The following CSNK1G2 variants were observed in gnomAD, a reference collection of about 807,000 sequenced individuals.
The protein encoded by CSNK1G2 is casein kinase I isoform gamma-2.
In CSNK1G2, 11 loss-of-function variants were observed where a neutral mutation model predicts 48.0. That is an observed-to-expected ratio of 0.23 (90% CI 0.14 to 0.38). The LOEUF (loss-of-function observed/expected upper bound fraction) is 0.38. CSNK1G2 is among the 10% of genes least tolerant of loss of function. The pLI is 1.00. For synonymous variants in CSNK1G2, 337 were observed against 254.1 expected (o/e 1.33, Z -3.10); for missense variants, 446 against 595.5 (o/e 0.75, Z 2.61).
intron 7 of CSNK1G2, 26 bp downstream of exon 7, chr19:1,979,274 G>A (rs1461468635): frequency 6.4e-7 from 1 of 1,567,254 alleles, no homozygotes; most frequent in Admixed American, 1.9e-5. Flanking sequence ...GGGCAGGCGG[G>A]CGGGGACGCA....
intron 1 of CSNK1G2, among the ~76,000 whole-genome samples, chr19:1,966,283 G>A (rs1159130064): frequency 6.6e-6 from 1 of 152,192 alleles, no homozygotes; most frequent in Non-Finnish European, 1.5e-5. Context: ...CAGGATGAGC[G>A]GAAGTTTGGA....
At chr19:1,968,457 C>T (rs955139647) in intron 1 of CSNK1G2, among the ~76,000 whole-genome samples, 7 of 152,330 alleles carry the variant, frequency 4.6e-5, no homozygotes, top group Non-Finnish European at 7.4e-5. Flanking sequence ...CCATGCCAGC[C>T]GGGGCTGGCT....
In CSNK1G2 at chr19:1,978,308, A is replaced by G. The variant is rs2015831094; in HGVS notation, c.191A>G (p.Lys64Arg). Residue 64 changes from lysine (K) to arginine (R), a missense_variant, in exon 3 of 12, where the codon AAG becomes AGG. Lys to Arg is a conservative substitution (Grantham distance 26, BLOSUM62 2). Transcript: ENST00000255641. The surrounding 1 kb of genome is among the most constrained non-coding windows in gnomAD (Gnocchi z 7.3). ...CTGATGGTCTCTGTCCCCGCAGGAA[A>G]GAATCTCTATACAAATGAATACGTG... ...CGNFGELRLG[K>R]NLYTNEYVAI... 6.2e-7 allele frequency: 1 copy of G among 1,613,408 alleles called. No homozygotes were observed. Among genetic ancestry groups the G allele is most frequent in the Non-Finnish European group, 8.5e-7 (1 of 1,179,876 alleles).
At chr19:1,956,352 A>G (rs1216865623) in intron 1 of CSNK1G2, among the ~76,000 whole-genome samples, 2 of 152,210 alleles carry the variant, frequency 1.3e-5, no homozygotes. Context: ...GCCAGAACGC[A>G]TGTAGCTGAG....
chr19:1,949,108 G>A (rs983172375), intron 1 of CSNK1G2, among the ~76,000 whole-genome samples: 12 of 152,166 alleles, frequency 7.9e-5, no homozygotes, highest in African/African-American at 1.4e-4. Flanking sequence ...AAAAATCCAC[G>A]TCAGAGTGGA....
In CSNK1G2 at chr19:1,979,975, C is replaced by G. The variant is rs756543103; in HGVS notation, c.1151C>G (p.Pro384Arg). Residue 384 changes from proline (P) to arginine (R), a missense_variant, in exon 11 of 12, where the codon CCG becomes CGG. By Grantham distance (103) the Pro-to-Arg change is moderately radical (BLOSUM62 -2). Transcript: ENST00000255641. ...CCCACGGCCGGCCACTCCAACGCCC[C>G]GATCACAGCGCCTGCAGAGGTGGAG... ...DDPTAGHSNA[P>R]ITAPAEVEVA... is the part of the protein sequence containing the mutation. The G allele has an allele frequency of 6.3e-7, 1 of 1,590,692 alleles. No homozygotes were observed. Among genetic ancestry groups the G allele is most frequent in the Non-Finnish European group, 8.6e-7 (1 of 1,167,650 alleles).
chr19:1,950,648 G>A lies in CSNK1G2; in HGVS notation c.-266+9230G>A, dbSNP rs540115705. Among the ~76,000 whole-genome samples, 6 of 145,960 alleles carry A rather than the reference G, an allele frequency of 4.1e-5. 1 individual carries two copies. Among genetic ancestry groups the A allele is most frequent in the Non-Finnish European group, 7.5e-5 (5 of 67,056 alleles). The stretch of plus-strand genomic sequence containing the variant: ...CCAAGGCCTCCTTCCATGTTGGGAC[G>A]GACGGGCCTTCCTGGGCTGGCCCGG... On this transcript the variant is annotated intron_variant, in intron 1 of 11. Coordinates refer to ENST00000255641, the MANE Select transcript of CSNK1G2 (RefSeq NM_001319.7).
rs1450372279 is a variant in CSNK1G2 at position 1,980,465 on chromosome 19, G to A, written c.*262G>A. 39 of 514,092 alleles carry A rather than the reference G, an allele frequency of 7.6e-5. No homozygotes were observed. Among genetic ancestry groups the A allele is most frequent in the African/African-American group, 1.6e-4 (8 of 50,630 alleles). The allele number at this position is 514,092 out of a possible 1,614,324, so 31.8% of individuals were successfully genotyped here. A position where few individuals can be genotyped will look rare whatever the true frequency, so the allele number is the denominator to read the frequency against. On this transcript the variant is annotated 3_prime_UTR_variant, in exon 12 of 12. Transcript: ENST00000255641. ...AAGAGCATTAACTATTTAAAACAAG[G>A]AAAAGAGGAAAAAAAAAACAGAGGC... is the stretch of plus-strand genomic sequence containing the variant.
At chr19:1,973,541 GT>G (rs1211233839) in intron 2 of CSNK1G2, among the ~76,000 whole-genome samples, 3 of 152,360 alleles carry the variant, frequency 2.0e-5, no homozygotes, top group African/African-American at 7.2e-5. Context: ...GGTTCTGCGT[GT>G]GACAGGAGTG....
rs570738137 is a variant in CSNK1G2 at position 1,954,997 on chromosome 19, G to C, written c.-266+13579G>C. 4.5e-3 allele frequency among the ~76,000 whole-genome samples: 684 copies of C among 152,284 alleles called. 8 individuals carry two copies. Among genetic ancestry groups the C allele is most frequent in the African/African-American group, 0.016 (652 of 41,556 alleles). ...CAACCCCCAGGCCTGCGTGGGCACTGTGGGTGCCCAGCCTTTACGTCCTCG... is the reference window on the plus strand; with the variant it reads ...CAACCCCCAGGCCTGCGTGGGCACTCTGGGTGCCCAGCCTTTACGTCCTCG... On this transcript the variant is annotated intron_variant, in intron 1 of 11. Transcript: ENST00000255641.
At chr19:1,963,785 G>GGTGT (rs933549472) in intron 1 of CSNK1G2, among the ~76,000 whole-genome samples, 1 of 151,098 alleles carries the variant, frequency 6.6e-6, no homozygotes, top group Admixed American at 6.6e-5. Flanking sequence ...TGGGATTACA[G>GGTGT]GTGTGAACCA....
At position 1,978,759 on chromosome 19, in the gene CSNK1G2, C is replaced by CGGGCGGGGCG; in HGVS notation, c.447+19_447+28dup. On this transcript the variant is annotated intron_variant, in intron 5 of 11. Transcript: ENST00000255641. This position sits in a 1 kb window ranked among gnomAD's most constrained non-coding sequence, Gnocchi z 7.3. Reference sequence around the variant, plus strand: ...TGATCGCCATCCAGCTGGTGCGCGGCGGGCGGGGCGGGGCGGGGCTCGGAG... The same window carrying CGGGCGGGGCG: ...TGATCGCCATCCAGCTGGTGCGCGGCGGGCGGGGCGGGGCGGGGCGGGGCGGGGCTCGGAG... The CGGGCGGGGCG allele has an allele frequency of 2.8e-6, 1 of 351,958 alleles. No individual in the cohort carries two copies. Among genetic ancestry groups the CGGGCGGGGCG allele is most frequent in the African/African-American group, 3.3e-5 (1 of 30,102 alleles). The allele number at this position is 351,958 out of a possible 1,614,324, so 21.8% of individuals were successfully genotyped here. A position where few individuals can be genotyped will look rare whatever the true frequency, so the allele number is the denominator to read the frequency against.
Position 1,981,098 on chromosome 19 carries a change from C to G in CSNK1G2, c.*895C>G, listed in dbSNP as rs1001656170. 6.6e-6 allele frequency: 1 copy of G among 152,226 alleles called. No individual in the cohort carries two copies. Among genetic ancestry groups the G allele is most frequent in the Admixed American group, 6.5e-5 (1 of 15,282 alleles). 9.4% of individuals were successfully genotyped at this position (152,226 alleles called of 1,614,324 possible). On this transcript the variant is annotated 3_prime_UTR_variant, in exon 12 of 12. Coordinates refer to ENST00000255641, the MANE Select transcript of CSNK1G2 (RefSeq NM_001319.7). ...ACGCCTTAAAGCCCCCGGCCCAGCCCTGCAGGTATATTGCAGGGGCCTGGG... is the reference window on the plus strand; with the variant it reads ...ACGCCTTAAAGCCCCCGGCCCAGCCGTGCAGGTATATTGCAGGGGCCTGGG...
At chr19:1,943,245 G>T (rs2014434033) in intron 1 of CSNK1G2, among the ~76,000 whole-genome samples, 1 of 152,166 alleles carries the variant, frequency 6.6e-6, no homozygotes, top group Non-Finnish European at 1.5e-5. Flanking sequence ...TGCCTGCTGT[G>T]CCTTCGGACT....
At chr19:1,952,778 C>T (rs992456398) in intron 1 of CSNK1G2, 6 of 315,020 alleles carry the variant, frequency 1.9e-5, no homozygotes, top group East Asian at 2.9e-4. Context: ...ATATAGAAGA[C>T]CTGGGCAGCT....
At chr19:1,966,605 G>A (rs1341182355) in intron 1 of CSNK1G2, among the ~76,000 whole-genome samples, 2 of 152,186 alleles carry the variant, frequency 1.3e-5, no homozygotes, top group African/African-American at 4.8e-5. Flanking sequence ...AGGACCGACT[G>A]CAGTTCTGAA....
At chr19:1,976,614 G>A (rs1488214762) in intron 2 of CSNK1G2, among the ~76,000 whole-genome samples, 1 of 152,236 alleles carries the variant, frequency 6.6e-6, no homozygotes, top group Non-Finnish European at 1.5e-5. Context: ...ACTGTGTACA[G>A]CTCAGCCACC....
intron 1 of CSNK1G2, among the ~76,000 whole-genome samples, chr19:1,964,896 T>G (rs912627979): frequency 2.0e-5 from 3 of 151,586 alleles, no homozygotes; most frequent in Admixed American, 1.3e-4. Context: ...CAGCTAATGT[T>G]TTTGTAATTT....
At chr19:1,961,950 A>G (rs2015213075) in intron 1 of CSNK1G2, among the ~76,000 whole-genome samples, 6 of 152,184 alleles carry the variant, frequency 3.9e-5, no homozygotes, top group Non-Finnish European at 8.8e-5. Context: ...TCCAGCATCA[A>G]CACAGCACTG....
Sources: allele counts gnomAD v4.1 joint callset (sites outside exome capture counted in the v4.1 genomes callset), GRCh38; gene constraint gnomAD v4.1.1; non-coding constraint Gnocchi (gnomAD v3.1); transcripts MANE v1.5; gene names NCBI Gene and HGNC (gene_info 2026-07-23, HGNC 2026-07-21).